Variants in ARHGAP40 observed in about 807,000 individuals in gnomAD.
ARHGAP40 encodes rho GTPase-activating protein 40.
Under a neutral mutation model 73.5 loss-of-function variants are expected in ARHGAP40, and 43 were observed. The ratio of observed to expected loss-of-function variants is 0.58; its 90% confidence interval spans 0.46 to 0.75. ARHGAP40 has a LOEUF of 0.75. Among genes scored for constraint, ARHGAP40 ranks in the 30% least tolerant of loss-of-function variants. The pLI is 0.00. For synonymous variants in ARHGAP40, 300 were observed against 352.8 expected (o/e 0.85, Z 1.68); for missense variants, 734 against 861.8 (o/e 0.85, Z 1.86).
chr20:38,625,589 T>A (rs935896175), intron 2 of ARHGAP40, among the ~76,000 whole-genome samples: 1 of 152,108 alleles, frequency 6.6e-6, no homozygotes, highest in African/African-American at 2.4e-5. Flanking sequence ...CGTCTAATTT[T>A]CGTATTTTTA....
At chr20:38,610,609 A>G (rs1382397435) in intron 1 of ARHGAP40, among the ~76,000 whole-genome samples, 1 of 152,240 alleles carries the variant, frequency 6.6e-6, no homozygotes, top group Admixed American at 6.5e-5. Context: ...TGGCTGGAAA[A>G]GGCGGCATAT....
chr20:38,615,029 G>A, intron 1 of ARHGAP40: 1 of 1,143,068 alleles, frequency 8.7e-7, no homozygotes, highest in Non-Finnish European at 1.3e-6. Flanking sequence ...TCAAGGTCAA[G>A]TTATCCGGCT....
In ARHGAP40 at chr20:38,645,191, C is replaced by G. The variant is rs373797597; in HGVS notation, c.1570-856C>G. Among the ~76,000 whole-genome samples, 3 of 151,416 alleles carry G rather than the reference C, an allele frequency of 2.0e-5. No homozygotes were observed. In the South Asian group the frequency reaches 6.3e-4, roughly 32 times the overall value. On this transcript the variant is annotated intron_variant, in intron 11 of 14. Coordinates refer to ENST00000373345, the Ensembl canonical transcript of ARHGAP40. ...GGGCAGAAGCCTGGTGTCCTCTGCT[C>G]ATTCTTCAAGACCTCCTAGTTCAAA...
At chr20:38,620,028 C>A (rs1050932607) in intron 1 of ARHGAP40, among the ~76,000 whole-genome samples, 1 of 152,132 alleles carries the variant, frequency 6.6e-6, no homozygotes, top group Non-Finnish European at 1.5e-5. Context: ...GCTATGATCG[C>A]GCCATTGCCT....
Position 38,619,069 on chromosome 20 carries a change from T to C in ARHGAP40, c.138-4290T>C, listed in dbSNP as rs1340563476. ...AATGAATGTGTTATGGAGAAGCAGATGGCAGAGACGTAATCCAGGTTAGGG... is the reference window on the plus strand; with the variant it reads ...AATGAATGTGTTATGGAGAAGCAGACGGCAGAGACGTAATCCAGGTTAGGG... On this transcript the variant is annotated intron_variant, in intron 1 of 14. Coordinates refer to ENST00000373345, the Ensembl canonical transcript of ARHGAP40. Among the ~76,000 whole-genome samples, 7 of 152,218 alleles carry C rather than the reference T, an allele frequency of 4.6e-5. No individual in the cohort carries two copies. In the East Asian group the frequency reaches 1.3e-3, roughly 29 times the overall value.
rs183328141 is a variant in ARHGAP40 at position 38,638,172 on chromosome 20, G to A, written c.1041+373G>A. ...AAAATACAAAAAAAAAAAATTAGCC[G>A]GGTGTAGTGGCGGGCACCTGTAGTC... On this transcript the variant is annotated intron_variant, in intron 7 of 14. Coordinates refer to ENST00000373345, the Ensembl canonical transcript of ARHGAP40. 9.2e-3 allele frequency among the ~76,000 whole-genome samples: 1,392 copies of A among 150,728 alleles called. 23 individuals carry two copies. The highest frequency in any genetic ancestry group is 0.032 in the African/African-American group (1,312 of 41,184).
At chr20:38,619,603 C>T (rs1047311895) in intron 1 of ARHGAP40, among the ~76,000 whole-genome samples, 1 of 146,108 alleles carries the variant, frequency 6.8e-6, no homozygotes, top group Admixed American at 6.9e-5. Flanking sequence ...TTCATTTACA[C>T]CTGGGGCCTC....
intron 1 of ARHGAP40, among the ~76,000 whole-genome samples, chr20:38,621,651 G>T (rs762799054): frequency 2.0e-5 from 3 of 152,166 alleles, no homozygotes; most frequent in Non-Finnish European, 2.9e-5. Context: ...TGGAAAACGT[G>T]GTCGTAGCCA....
chr20:38,619,826 T>C (rs1253116009), intron 1 of ARHGAP40, among the ~76,000 whole-genome samples: 1 of 151,784 alleles, frequency 6.6e-6, no homozygotes, highest in Non-Finnish European at 1.5e-5. Flanking sequence ...ATGGCTTACA[T>C]GTGGAATCTC....
At chr20:38,629,622 C>A (rs73101927) in exon 5 of ARHGAP40, 1 of 1,305,412 alleles carries the variant, frequency 7.7e-7, no homozygotes, top group South Asian at 1.2e-5. Context: ...CGGGGAGGCA[C>A]CTCTGCCTGG....
At chr20:38,615,418 T>G (rs1383268937) in intron 1 of ARHGAP40, 2 of 723,352 alleles carry the variant, frequency 2.8e-6, no homozygotes, top group African/African-American at 1.7e-5. Flanking sequence ...CAGACTGAAG[T>G]TGGGGATAAT....
At chr20:38,625,949 G>C (rs548519969) in intron 2 of ARHGAP40, among the ~76,000 whole-genome samples, 47 of 152,312 alleles carry the variant, frequency 3.1e-4, no homozygotes, top group African/African-American at 1.1e-3. Context: ...AATTATAAAG[G>C]TGGTTGGTGA....
chr20:38,650,631 A>G, exon 15 of ARHGAP40: 1 of 471,204 alleles, frequency 2.1e-6, no homozygotes, highest in South Asian at 1.5e-5. Flanking sequence ...TTAAACAGTA[A>G]AGGCACAACA....
At chr20:38,640,281 A>T (rs1601149085) in intron 9 of ARHGAP40, among the ~76,000 whole-genome samples, 1 of 140,430 alleles carries the variant, frequency 7.1e-6, no homozygotes, top group African/African-American at 2.7e-5. Flanking sequence ...CAGTGGCATG[A>T]TCCTAGCTCA....
intron 1 of ARHGAP40, among the ~76,000 whole-genome samples, chr20:38,614,655 T>A (rs2088824269): frequency 6.6e-6 from 1 of 152,206 alleles, no homozygotes; most frequent in African/African-American, 2.4e-5. Context: ...TGCCTAAAGC[T>A]TTTTTCTTTC....
chr20:38,634,483 G>A, intron 5 of ARHGAP40, 137 bp from the exon 6 acceptor site: 1 of 601,714 alleles, frequency 1.7e-6, no homozygotes, highest in Non-Finnish European at 2.7e-6. Context: ...ACTTGAGGAT[G>A]GACTCCTCTT....
intron 5 of ARHGAP40, among the ~76,000 whole-genome samples, chr20:38,630,062 TTC>T (rs1409082570): frequency 1.3e-4 from 17 of 129,194 alleles, no homozygotes; most frequent in Non-Finnish European, 2.1e-4. Context: ...TCCTTCTTTT[TTC>T]TTTCTTTCTT....
At chr20:38,638,642 G>A (rs946972126) in intron 7 of ARHGAP40, 119 bp from the exon 8 acceptor site, 16 of 652,418 alleles carry the variant, frequency 2.5e-5, no homozygotes, top group East Asian at 6.7e-5. Flanking sequence ...ATATTATTCC[G>A]AAGGAAACCC....
intron 6 of ARHGAP40, among the ~76,000 whole-genome samples, chr20:38,635,827 C>G (rs2088971418): frequency 6.6e-6 from 1 of 152,124 alleles, no homozygotes; most frequent in Non-Finnish European, 1.5e-5. Context: ...TGCTACATAA[C>G]AAACAACCCC....
Sources: allele counts gnomAD v4.1 joint callset (sites outside exome capture counted in the v4.1 genomes callset), GRCh38; gene constraint gnomAD v4.1.1; transcripts MANE v1.5; gene names NCBI Gene and HGNC (gene_info 2026-07-23, HGNC 2026-07-21).